MKLN1: variants seen among roughly 807,000 people sequenced by gnomAD.
MKLN1 encodes muskelin.
In MKLN1, 18 loss-of-function variants were observed where a neutral mutation model predicts 99.0. The observed-to-expected ratio is 0.18, with a 90% confidence interval of 0.13 to 0.27. The LOEUF (loss-of-function observed/expected upper bound fraction) is 0.27, where lower values mean the gene tolerates loss of function less well. Ranked by LOEUF, MKLN1 falls within the 10% of genes least tolerant of loss-of-function variation. MKLN1 has a pLI of 1.00. For missense variants in MKLN1, 621 were observed against 875.9 expected (o/e 0.71, Z 3.67); for synonymous variants, 288 against 293.2 (o/e 0.98, Z 0.18).
chr7:131,429,992 T>G (rs575995802), intron 9 of MKLN1, among the ~76,000 whole-genome samples: 1 of 152,344 alleles, frequency 6.6e-6, no homozygotes, highest in African/African-American at 2.4e-5. Context: ...GTTTATGGCT[T>G]TGAATTAAGT....
At chr7:131,375,793 G>T (rs1303821377) in intron 2 of MKLN1, among the ~76,000 whole-genome samples, 1 of 151,364 alleles carries the variant, frequency 6.6e-6, no homozygotes, top group African/African-American at 2.4e-5. Context: ...CTGACTCAAT[G>T]ACTATCTTAT....
intron 7 of MKLN1, among the ~76,000 whole-genome samples, chr7:131,414,185 T>C (rs1367421068): frequency 6.6e-6 from 1 of 152,224 alleles, no homozygotes; most frequent in Non-Finnish European, 1.5e-5. Context: ...ATATCATTAA[T>C]ATAAAACTTG....
At chr7:131,347,546 C>T (rs1241778140) in intron 1 of MKLN1, among the ~76,000 whole-genome samples, 2 of 152,108 alleles carry the variant, frequency 1.3e-5, no homozygotes, top group Non-Finnish European at 1.5e-5. Context: ...ACTCCTGCCC[C>T]CTCTTACTGA....
chr7:131,368,123 GTTA>G (rs1800236530), intron 1 of MKLN1, among the ~76,000 whole-genome samples: 2 of 152,160 alleles, frequency 1.3e-5, no homozygotes, highest in Non-Finnish European at 2.9e-5. Flanking sequence ...AGGGGCTGAT[GTTA>G]GCAGTCACTA....
intron 12 of MKLN1, among the ~76,000 whole-genome samples, chr7:131,460,833 T>C (rs994520202): frequency 4.6e-5 from 7 of 152,148 alleles, no homozygotes; most frequent in Non-Finnish European, 1.0e-4. Flanking sequence ...TAAGACAAAA[T>C]AGAATAATGA....
At position 131,496,632 on chromosome 7, in the gene MKLN1, A is replaced by G. The variant is rs1180558643; in HGVS notation, c.*8904A>G. ...TAATAAAATGTTATATATGGATGCT[A>G]CAAGATATCTCTTGTATTTGCTCAA... On this transcript the variant is annotated 3_prime_UTR_variant, in exon 18 of 18. Coordinates refer to ENST00000352689, the MANE Select transcript of MKLN1 (RefSeq NM_013255.5). 6.6e-6 allele frequency: 1 copy of G among 152,218 alleles called. No individual in the cohort carries two copies. Among genetic ancestry groups the G allele is most frequent in the Admixed American group, 6.5e-5 (1 of 15,282 alleles). 9.4% of individuals were successfully genotyped at this position (152,218 alleles called of 1,614,324 possible). A position where few individuals can be genotyped will look rare whatever the true frequency, so the allele number is the denominator to read the frequency against.
chr7:131,454,466 G>A (rs764388844), intron 12 of MKLN1, among the ~76,000 whole-genome samples: 1 of 152,218 alleles, frequency 6.6e-6, no homozygotes, highest in Non-Finnish European at 1.5e-5. Flanking sequence ...AACTGGAGTT[G>A]TTGCTAGTGC....
At chr7:131,324,268 G>A (rs1241628120), upstream of MKLN1, 6 of 152,226 alleles carry the variant, frequency 3.9e-5, no homozygotes, top group Non-Finnish European at 8.8e-5. Context: ...CCCAAGAGTA[G>A]GAGGTCCAAA....
intron 2 of MKLN1, among the ~76,000 whole-genome samples, chr7:131,146,183 A>G (rs1263542548): frequency 1.3e-5 from 2 of 152,180 alleles, no homozygotes; most frequent in African/African-American, 4.8e-5. Context: ...TTATTATTCT[A>G]TGAGGACCCT....
chr7:131,167,073 A>G (rs896498480), intron 2 of MKLN1, among the ~76,000 whole-genome samples: 2 of 151,954 alleles, frequency 1.3e-5, no homozygotes, highest in African/African-American at 4.8e-5. Context: ...CCCTCTCTCC[A>G]GTTTCCTCTT....
chr7:131,466,045 T>G (rs1796653090), intron 14 of MKLN1, among the ~76,000 whole-genome samples: 1 of 152,228 alleles, frequency 6.6e-6, no homozygotes, highest in Non-Finnish European at 1.5e-5. Context: ...GTCATTGTAG[T>G]TATGGTAATA....
chr7:131,303,854 G>A (rs1203048077), intron 3 of MKLN1, among the ~76,000 whole-genome samples: 2 of 151,958 alleles, frequency 1.3e-5, no homozygotes, highest in South Asian at 2.1e-4. Context: ...CTATATTTAC[G>A]GACCAAAAAA....
chr7:131,418,508 A>T (rs1488651606), intron 8 of MKLN1, among the ~76,000 whole-genome samples: 1 of 152,194 alleles, frequency 6.6e-6, no homozygotes, highest in Non-Finnish European at 1.5e-5. Context: ...TACAAAAAAA[A>T]TCACAAAAAA....
intron 17 of MKLN1, among the ~76,000 whole-genome samples, chr7:131,480,873 C>T (rs1453982360): frequency 6.6e-6 from 1 of 152,236 alleles, no homozygotes; most frequent in African/African-American, 2.4e-5. Context: ...TAAACTATCT[C>T]TAACTGACTT....
chr7:131,147,283 C>T (rs534970056), intron 2 of MKLN1, among the ~76,000 whole-genome samples: 1 of 149,782 alleles, frequency 6.7e-6, no homozygotes, highest in South Asian at 2.1e-4. Flanking sequence ...GTCTTGAACT[C>T]CTGACCTCAG....
chr7:131,373,135 T>C (rs1275234772), intron 1 of MKLN1, among the ~76,000 whole-genome samples: 1 of 152,188 alleles, frequency 6.6e-6, no homozygotes, highest in South Asian at 2.1e-4. Flanking sequence ...AAAAGTTACA[T>C]TAATTTGCAT....
chr7:131,447,399 C>A, intron 12 of MKLN1, among the ~76,000 whole-genome samples: 1 of 152,060 alleles, frequency 6.6e-6, no homozygotes. Context: ...TTCTAACTTA[C>A]CATTAAAATA....
In MKLN1 at chr7:131,158,540, G is replaced by A. The variant is rs376509782; in HGVS notation, c.-297+15599G>A. Among the ~76,000 whole-genome samples, 7 of 152,110 alleles carry A rather than the reference G, an allele frequency of 4.6e-5. No homozygotes were observed. The East Asian group carries it at 1.3e-3, about 29-fold the overall frequency. On this transcript the variant is annotated intron_variant, in intron 2 of 7. Transcript: ENST00000416992. ...AGGTGTCATTCCACTCTTTACTCAG[G>A]GGTTAAAAGTCTAAAGGTGACCCGC...
In MKLN1 at chr7:131,270,610, C is replaced by A. The variant is rs75970483; in HGVS notation, c.-179+67636C>A. Among the ~76,000 whole-genome samples, 367 of 152,318 alleles carry A rather than the reference C, an allele frequency of 2.4e-3. 1 individual carries two copies. The highest frequency in any genetic ancestry group is 4.5e-3 in the Non-Finnish European group (306 of 68,028). On this transcript the variant is annotated intron_variant, in intron 3 of 7. Coordinates refer to the MKLN1 transcript ENST00000416992. ...GATGTGAATTATTGGGTTAAGGGTG[C>A]AATCTTCATTCATCTATTTATTCAT...
Sources: gnomAD v4.1 joint callset for allele counts (sites outside exome capture counted in the v4.1 genomes callset) on GRCh38, gnomAD v4.1.1 for gene constraint, MANE v1.5 for transcripts, NCBI Gene and HGNC (gene_info 2026-07-23, HGNC 2026-07-21) for gene names.